DACH2: variants seen among roughly 807,000 people sequenced by gnomAD.
DACH2 encodes the protein dachshund family transcription factor 2, also known as dachshund homolog 2.
In DACH2, 17 loss-of-function variants were observed where a neutral mutation model predicts 35.8. The ratio of observed to expected loss-of-function variants is 0.48; its 90% CI spans 0.33 to 0.71. DACH2 has a LOEUF of 0.71. Ranked by LOEUF, DACH2 falls within the 30% of genes least tolerant of loss-of-function variation. The probability of loss-of-function intolerance (pLI) is 0.02; values close to 1 mark genes in which losing one functional copy is unlikely to be tolerated. For missense variants in DACH2, 469 were observed against 472.7 expected, an observed-to-expected ratio of 0.99 and a Z score of 0.07; for synonymous variants, 195 against 177.3, an observed-to-expected ratio of 1.10 and a Z score of -0.79.
At chrX:86,691,206 G>A (rs1417984649) in intron 4 of DACH2, among the ~76,000 whole-genome samples, 3 of 111,558 alleles carry the variant, frequency 2.7e-5, no homozygotes, top group Non-Finnish European at 5.6e-5. Flanking sequence ...TCTGACAAAT[G>A]TGCATACTTT....
At chrX:86,647,941 CT>C (rs1161774295) in intron 3 of DACH2, among the ~76,000 whole-genome samples, 1 of 110,467 alleles carries the variant, frequency 9.1e-6, no homozygotes, top group East Asian at 2.8e-4. Context: ...ACCATAAGGG[CT>C]ATACATTATG....
intron 2 of DACH2, among the ~76,000 whole-genome samples, chrX:86,398,982 G>T (rs1441650238): frequency 2.7e-5 from 3 of 111,210 alleles, no homozygotes; most frequent in Non-Finnish European, 3.8e-5. Context: ...GTTGACAGTG[G>T]GGTGTTAAAG....
intron 2 of DACH2, among the ~76,000 whole-genome samples, chrX:86,420,760 G>T (rs994876438): frequency 8.1e-5 from 9 of 110,884 alleles, no homozygotes; most frequent in African/African-American, 2.6e-4. Flanking sequence ...AATTGTAAAC[G>T]TTTAAAGTTA....
At chrX:86,417,929 TG>T (rs776533017) in intron 2 of DACH2, among the ~76,000 whole-genome samples, 1 of 111,417 alleles carries the variant, frequency 9.0e-6, no homozygotes, top group Non-Finnish European at 1.9e-5. Context: ...CTAGATACAA[TG>T]GGGGTAAAGG....
intron 1 of DACH2, among the ~76,000 whole-genome samples, chrX:86,152,595 G>A (rs1157671136): frequency 1.8e-5 from 2 of 111,687 alleles, no homozygotes; most frequent in African/African-American, 6.5e-5. Flanking sequence ...TAGAGAGGTA[G>A]TAAGATTAAA....
At chrX:86,703,198 A>AT (rs1406781153) in intron 5 of DACH2, among the ~76,000 whole-genome samples, 1 of 110,265 alleles carries the variant, frequency 9.1e-6, no homozygotes, top group African/African-American at 3.3e-5. Flanking sequence ...ATGCAGAAAA[A>AT]AATTCAATGA....
chrX:86,317,683 GC>G (rs1160129309), intron 1 of DACH2, among the ~76,000 whole-genome samples: 1 of 111,863 alleles, frequency 8.9e-6, no homozygotes, highest in Non-Finnish European at 1.9e-5. Context: ...CTTTACATAG[GC>G]CTTTTTTATT....
intron 1 of DACH2, among the ~76,000 whole-genome samples, chrX:86,206,285 A>T (rs2032309972): frequency 1.8e-5 from 2 of 110,780 alleles, no homozygotes; most frequent in South Asian, 3.8e-4. Context: ...AAAGGGGAAA[A>T]AAAAAAAGAA....
intron 1 of DACH2, among the ~76,000 whole-genome samples, chrX:86,314,020 G>A (rs12395162): frequency 0.14 from 15,966 of 110,514 alleles, 1,122 homozygotes; most frequent in African/African-American, 0.26. Flanking sequence ...CACAAACCAT[G>A]CCCATGTAAA....
chrX:86,647,365 T>C (rs2040427527), intron 3 of DACH2, among the ~76,000 whole-genome samples: 1 of 111,075 alleles, frequency 9.0e-6, no homozygotes, highest in African/African-American at 3.3e-5. Context: ...AATGAAATCT[T>C]CCCATTTGTG....
intron 2 of DACH2, among the ~76,000 whole-genome samples, chrX:86,446,120 T>C (rs544818398): frequency 1.8e-5 from 2 of 111,023 alleles, no homozygotes; most frequent in Middle Eastern, 4.7e-3. Flanking sequence ...TTTGTCTCTG[T>C]ATGGTTTTCA....
At position 86,636,218 on chromosome X, in the gene DACH2, G is replaced by A. The variant is rs766193138; in HGVS notation, c.641-14818G>A. ...TCTCAACACTTTGGGAGGCTGAGGC[G>A]GGCAGATCACCTGAGGTCAGGAGTT... On this transcript the variant is annotated intron_variant, in intron 3 of 11. Coordinates refer to ENST00000373125, the MANE Select transcript of DACH2 (RefSeq NM_053281.3). 6.3e-5 allele frequency among the ~76,000 whole-genome samples: 7 copies of A among 110,927 alleles called. No individual in the cohort carries two copies. In the East Asian group the frequency reaches 1.4e-3, roughly 23 times the overall value.
intron 1 of DACH2, among the ~76,000 whole-genome samples, chrX:86,217,577 A>G (rs968677265): frequency 1.8e-5 from 2 of 112,006 alleles, no homozygotes; most frequent in Admixed American, 9.6e-5. Context: ...TTCAGGGAAC[A>G]TAGTAATATA....
intron 3 of DACH2, among the ~76,000 whole-genome samples, chrX:86,568,151 A>C (rs2039316547): frequency 9.0e-6 from 1 of 111,511 alleles, no homozygotes; most frequent in Non-Finnish European, 1.9e-5. Flanking sequence ...TGAGGGATTA[A>C]TAGGAGGATC....
At chrX:86,487,278 C>T (rs752735034) in intron 2 of DACH2, among the ~76,000 whole-genome samples, 5 of 111,666 alleles carry the variant, frequency 4.5e-5, no homozygotes, top group East Asian at 2.8e-4. Flanking sequence ...GTCATTTCAA[C>T]GCTAGCAAAA....
intron 1 of DACH2, among the ~76,000 whole-genome samples, chrX:86,221,898 T>C (rs953936719): frequency 9.8e-5 from 11 of 112,399 alleles, no homozygotes; most frequent in African/African-American, 3.6e-4. Context: ...AGCTTGCAGA[T>C]GGCTGCCTTC....
At chrX:86,617,768 C>A (rs969500089) in intron 3 of DACH2, among the ~76,000 whole-genome samples, 2 of 111,666 alleles carry the variant, frequency 1.8e-5, no homozygotes, top group Admixed American at 1.9e-4. Flanking sequence ...ACTTTTAAAT[C>A]CAATTTTGAG....
intron 7 of DACH2, among the ~76,000 whole-genome samples, chrX:86,759,560 G>GTTT (rs373909049): frequency 2.2e-5 from 2 of 92,592 alleles, no homozygotes; most frequent in East Asian, 3.6e-4. Context: ...GTTGTTGTTT[G>GTTT]TTTTTTTTTT....
chrX:86,687,906 A>G (rs1359411675), intron 4 of DACH2, among the ~76,000 whole-genome samples: 2 of 105,666 alleles, frequency 1.9e-5, no homozygotes, highest in Non-Finnish European at 3.9e-5. Flanking sequence ...GTGGGGGGCT[A>G]GGGGAGGGAT....
Sources: gnomAD v4.1 joint callset for allele counts (sites outside exome capture counted in the v4.1 genomes callset) on GRCh38, gnomAD v4.1.1 for gene constraint, MANE v1.5 for transcripts, NCBI Gene and HGNC (gene_info 2026-07-23, HGNC 2026-07-21) for gene names.